Variants in PEX7 observed in about 807,000 individuals in gnomAD.
The protein encoded by PEX7 is PTS2 receptor.
A neutral mutation model predicts 47.5 loss-of-function variants in PEX7; 34 were observed. The observed-to-expected ratio is 0.72, with a 90% CI of 0.54 to 0.95. The LOEUF (loss-of-function observed/expected upper bound fraction) is 0.95, where lower values mean the gene tolerates loss of function less well. PEX7 is among the 40% of genes least tolerant of loss of function. PEX7 has a pLI of 0.00. For synonymous variants in PEX7, 141 were observed against 148.8 expected (o/e 0.95, Z 0.38); for missense variants, 394 against 400.3 (o/e 0.98, Z 0.13).
chr6:136,905,177 T>C (rs1775825375), intron 9 of PEX7, among the ~76,000 whole-genome samples: 1 of 152,262 alleles, frequency 6.6e-6, no homozygotes, highest in Non-Finnish European at 1.5e-5. Flanking sequence ...TTTCCGTCTC[T>C]GTCACCCCAA....
intron 5 of PEX7, among the ~76,000 whole-genome samples, chr6:136,865,317 A>C (rs1351667121): frequency 6.6e-6 from 1 of 151,848 alleles, no homozygotes; most frequent in Non-Finnish European, 1.5e-5. Flanking sequence ...TATTTTTTTG[A>C]GATAGAATTT....
intron 9 of PEX7, among the ~76,000 whole-genome samples, chr6:136,902,995 T>G (rs1775778760): frequency 1.3e-5 from 2 of 152,218 alleles, no homozygotes; most frequent in South Asian, 4.1e-4. Context: ...AGAAAAAAGA[T>G]TACCTCTAGT....
intron 3 of PEX7, among the ~76,000 whole-genome samples, chr6:136,841,599 A>G (rs889224339): frequency 1.3e-5 from 2 of 152,064 alleles, no homozygotes; most frequent in African/African-American, 4.8e-5. Context: ...TGTTTTTGAG[A>G]CAAGGTCTTT....
At chr6:136,878,375 CT>C (rs1186674506) in intron 8 of PEX7, among the ~76,000 whole-genome samples, 1 of 152,184 alleles carries the variant, frequency 6.6e-6, no homozygotes, top group Non-Finnish European at 1.5e-5. Flanking sequence ...GCATCCTTGT[CT>C]TGTGCCGGTT....
At chr6:136,863,895 GA>G (rs1461737119) in intron 5 of PEX7, among the ~76,000 whole-genome samples, 3 of 152,124 alleles carry the variant, frequency 2.0e-5, no homozygotes, top group Non-Finnish European at 4.4e-5. Context: ...GAAATTAAAA[GA>G]ATTAAAATAA....
At chr6:136,830,048 A>G in intron 3 of PEX7, 1 of 716,750 alleles carries the variant, frequency 1.4e-6, no homozygotes, top group Non-Finnish European at 2.6e-6. Context: ...AGAGCAACTA[A>G]TGGGTCATTT....
At position 136,900,080 on chromosome 6, in the gene PEX7, C is replaced by T. The variant is rs1332431333; in HGVS notation, c.903+1839C>T. On this transcript the variant is annotated intron_variant, in intron 9 of 9. Coordinates refer to ENST00000318471, the MANE Select transcript of PEX7 (RefSeq NM_000288.4). This position sits in a 1 kb window ranked among gnomAD's most constrained non-coding sequence, Gnocchi z 4.2. ...CTAGAACCTGTGGCAGCAGCTGCAG[C>T]GCCTCCATTTCCTCAGCTATGGCGC... Among the ~76,000 whole-genome samples, 3 of 152,226 alleles carry T rather than the reference C, an allele frequency of 2.0e-5. No homozygotes were observed. The highest frequency in any genetic ancestry group is 1.9e-4 in the East Asian group (1 of 5,192).
intron 9 of PEX7, among the ~76,000 whole-genome samples, chr6:136,908,331 ATTAGT>A (rs2115291774): frequency 6.6e-6 from 1 of 152,282 alleles, no homozygotes; most frequent in South Asian, 2.1e-4. Context: ...ATCTTACCCT[ATTAGT>A]TTAGTTTTTT....
chr6:136,823,205 G>T (rs1774117343), intron 1 of PEX7: 1 of 985,280 alleles, frequency 1.0e-6, no homozygotes, highest in Admixed American at 6.1e-5. Context: ...CAGGGCTCGC[G>T]AGTTGGCCCA....
At chr6:136,907,056 C>T (rs1220457179) in intron 9 of PEX7, among the ~76,000 whole-genome samples, 2 of 152,066 alleles carry the variant, frequency 1.3e-5, no homozygotes, top group Admixed American at 6.6e-5. Context: ...TGTTTTTACC[C>T]GTTTCTCTTG....
Position 136,900,773 on chromosome 6 carries a change from G to A in PEX7, c.903+2532G>A, listed in dbSNP as rs1775740370. Reference sequence around the variant, plus strand: ...TTAACCCCAGCTTGAAGGACAGGTGGTCTCTTAGTGGGGACATCCCCTTTG... The same window carrying A: ...TTAACCCCAGCTTGAAGGACAGGTGATCTCTTAGTGGGGACATCCCCTTTG... On this transcript the variant is annotated intron_variant, in intron 9 of 9. Coordinates refer to ENST00000318471, the MANE Select transcript of PEX7 (RefSeq NM_000288.4). This position sits in a 1 kb window ranked among gnomAD's most constrained non-coding sequence, Gnocchi z 4.2. The A allele has an allele frequency of 3.0e-6, 1 of 337,038 alleles. No homozygotes were observed. Among genetic ancestry groups the A allele is most frequent in the African/African-American group, 2.2e-5 (1 of 45,402 alleles). The allele number at this position is 337,038 out of a possible 1,614,324, so 20.9% of individuals were successfully genotyped here.
chr6:136,847,015 CTTT>C (rs1774617848), intron 5 of PEX7, among the ~76,000 whole-genome samples: 1 of 152,166 alleles, frequency 6.6e-6, no homozygotes, highest in Non-Finnish European at 1.5e-5. Flanking sequence ...TGTTTCCTGA[CTTT>C]TTGATGATCG....
At chr6:136,827,753 A>C (rs1030957196) in intron 3 of PEX7, among the ~76,000 whole-genome samples, 4 of 151,226 alleles carry the variant, frequency 2.6e-5, no homozygotes, top group Non-Finnish European at 5.9e-5. Context: ...GCTGGTCTTG[A>C]ACTCCTGGGC....
chr6:136,874,475 C>A (rs1163349243), intron 8 of PEX7, among the ~76,000 whole-genome samples: 1 of 151,962 alleles, frequency 6.6e-6, no homozygotes, highest in Admixed American at 6.6e-5. Context: ...GGTTCAAGAC[C>A]AGCCTGGCCA....
intron 6 of PEX7, among the ~76,000 whole-genome samples, chr6:136,869,218 C>T (rs1444858621): frequency 6.6e-6 from 1 of 152,030 alleles, no homozygotes; most frequent in African/African-American, 2.4e-5. Context: ...AACCACCGCA[C>T]CCAGCCTTGA....
chr6:136,894,435 C>A (rs1413967476), intron 8 of PEX7, among the ~76,000 whole-genome samples: 2 of 152,116 alleles, frequency 1.3e-5, no homozygotes, highest in Non-Finnish European at 2.9e-5. Context: ...ACTAAAAATA[C>A]AAAAATTAGC....
chr6:136,873,705 A>T (rs1044130282), intron 8 of PEX7, among the ~76,000 whole-genome samples: 3 of 152,210 alleles, frequency 2.0e-5, no homozygotes, highest in Non-Finnish European at 2.9e-5. Flanking sequence ...TGATATGAGT[A>T]CAAACGCCTT....
At chr6:136,896,571 T>G (rs1775655047) in intron 8 of PEX7, among the ~76,000 whole-genome samples, 1 of 152,122 alleles carries the variant, frequency 6.6e-6, no homozygotes, top group Admixed American at 6.5e-5. Flanking sequence ...TCTCCCTTTT[T>G]CCTTTGGCTG....
intron 5 of PEX7, among the ~76,000 whole-genome samples, chr6:136,848,789 A>T (rs1433537243): frequency 6.6e-6 from 1 of 152,244 alleles, no homozygotes; most frequent in African/African-American, 2.4e-5. Flanking sequence ...GATGTTCATC[A>T]GGGATATTGG....
Sources: gnomAD v4.1 joint callset for allele counts (sites outside exome capture counted in the v4.1 genomes callset) on GRCh38, gnomAD v4.1.1 for gene constraint, Gnocchi (gnomAD v3.1) non-coding constraint, MANE v1.5 for transcripts, NCBI Gene and HGNC (gene_info 2026-07-23, HGNC 2026-07-21) for gene names.